Variants in OR52E4 observed in about 807,000 individuals in gnomAD.
OR52E4 encodes olfactory receptor 52E4.
For missense variants in OR52E4, 444 were observed against 383.8 expected, an observed-to-expected ratio of 1.16 and a Z score of -1.31; for synonymous variants, 169 against 137.4, an observed-to-expected ratio of 1.23 and a Z score of -1.61.
chr11:5,885,366 T>C lies in OR52E4; in HGVS notation c.*135T>C. On this transcript the variant is annotated 3_prime_UTR_variant, in exon 2 of 2. Transcript: ENST00000641726. ...CTTTTGACTGGAAGTGCTTTAGTGT[T>C]GACAGATAATGCAAACTTAAAACCT... The C allele has an allele frequency of 1.6e-6, 1 of 624,270 alleles. No homozygotes were observed. The highest frequency in any genetic ancestry group is 2.3e-5 in the South Asian group (1 of 44,298). The allele number at this position is 624,270 out of a possible 1,614,324, so 38.7% of individuals were successfully genotyped here. A position where few individuals can be genotyped will look rare whatever the true frequency, so the allele number is the denominator to read the frequency against.
Position 5,882,215 on chromosome 11 carries a change from T to C in OR52E4, c.-75+1501T>C, listed in dbSNP as rs77060907. Among the ~76,000 whole-genome samples the C allele has an allele frequency of 7.1e-3, 1,076 of 152,176 alleles. 8 individuals carry two copies. The highest frequency in any genetic ancestry group is 0.024 in the African/African-American group (1,010 of 41,536). On this transcript the variant is annotated intron_variant, in intron 1 of 1. Transcript: ENST00000641726. Reference sequence around the variant, plus strand: ...GTTATAACAGAAAGAAGGCAAGAATTCAGGTAAAACTGTGAGAGGGTGGAT... The same window carrying C: ...GTTATAACAGAAAGAAGGCAAGAATCCAGGTAAAACTGTGAGAGGGTGGAT...
At position 5,884,552 on chromosome 11, in the gene OR52E4, T is replaced by G; in HGVS notation, c.260T>G (p.Phe87Cys). 1.2e-6 allele frequency: 2 copies of G among 1,613,526 alleles called. No homozygotes were observed. The highest frequency in any genetic ancestry group is 1.7e-6 in the Non-Finnish European group (2 of 1,179,688). The part of the protein sequence containing the change: ...TSTIPKMLGI[F>C]WFNLQEISFG... The stretch of plus-strand genomic sequence containing the variant: ...ACTATCCCCAAAATGCTAGGAATCT[T>G]CTGGTTCAACCTCCAAGAGATCAGC... Residue 87 changes from phenylalanine (F) to cysteine (C), a missense_variant, in exon 2 of 2, where the codon TTC (phenylalanine) becomes TGC (cysteine). Phe to Cys is a radical substitution (Grantham distance 205). Transcript: ENST00000641726.
chr11:5,884,328 C>T lies in OR52E4; in HGVS notation c.36C>T (p.Pro12=), dbSNP rs141381613. 3 of 1,612,238 alleles carry T rather than the reference C, an allele frequency of 1.9e-6. No homozygotes were observed. The highest frequency in any genetic ancestry group is 2.7e-5 in the African/African-American group (2 of 74,850). The stretch of plus-strand genomic sequence containing the variant: ...TCAATGACACCCACTTCTATCCCCC[C>T]TTCTTCCTCCTGCTAGGAATACCAG... ...PSINDTHFYP[P]FFLLLGIPGL... is the part of the protein sequence containing the mutation. Residue 12 remains proline, a synonymous_variant, in exon 2 of 2, where the codon CCC becomes CCT. Transcript: ENST00000641726.
In OR52E4 at chr11:5,884,446, A is replaced by G. The variant is rs761871260; in HGVS notation, c.154A>G (p.Lys52Glu). ...VGNMTILFVI[K>E]TEHSLHQPMF... ...GAATATGACCATTCTCTTTGTGATC[A>G]AAACTGAACATAGTCTACACCAGCC... is the stretch of plus-strand genomic sequence containing the variant. The change falls in exon 2 of 2, where the codon AAA becomes GAA. Residue 52 changes from lysine to glutamate, a missense_variant. By Grantham distance (56) the Lys-to-Glu change is moderately conservative. Transcript: ENST00000641726. The G allele has an allele frequency of 5.0e-6, 8 of 1,613,392 alleles. No individual in the cohort carries two copies. Among genetic ancestry groups the G allele is most frequent in the Non-Finnish European group, 6.8e-6 (8 of 1,179,660 alleles).
intron 1 of OR52E4, among the ~76,000 whole-genome samples, chr11:5,882,748 C>T (rs535893403): frequency 1.3e-5 from 2 of 152,056 alleles, no homozygotes; most frequent in East Asian, 3.9e-4. Context: ...CACACACACT[C>T]ACACACAAAC....
rs772975934 is a variant in OR52E4, at chr11:5,885,107, A to G, written c.815A>G (p.Tyr272Cys). Residue 272 changes from tyrosine to cysteine, a missense_variant, in exon 2 of 2, where the codon TAT becomes TGT. Coordinates refer to ENST00000641726, the MANE Select transcript of OR52E4 (RefSeq NM_001005165.2). ...CGTTTTGGCCAAAACATTCCCCACT[A>G]TATCCATATTCTTTTGGCTAACCTG... Reference protein sequence around the residue: ...THRFGQNIPHYIHILLANLYV... With the variant: ...THRFGQNIPHCIHILLANLYV... The G allele has an allele frequency of 3.7e-6, 6 of 1,613,250 alleles. No homozygotes were observed. The highest frequency in any genetic ancestry group is 3.3e-5 in the Admixed American group (2 of 59,844).
At chr11:5,884,187 G>T (rs911822696) in intron 1 of OR52E4, 32 bp from the exon 2 acceptor site, 6 of 781,898 alleles carry the variant, frequency 7.7e-6, no homozygotes, top group Non-Finnish European at 1.1e-5. Flanking sequence ...ATTACCTCTA[G>T]CACACTGATA....
rs1171215181 is a variant in OR52E4 at position 5,885,152 on chromosome 11, C to T, written c.860C>T (p.Ala287Val). Residue 287 changes from alanine to valine, a missense_variant, in exon 2 of 2, where the codon GCC (alanine) becomes GTC (valine). Transcript: ENST00000641726. ...AACCTGTATGTGGTTGTCCCACCTG[C>T]CCTTAACCCTGTCATTTATGGAGTC... is the stretch of plus-strand genomic sequence containing the variant. Reference protein sequence around the residue: ...LANLYVVVPPALNPVIYGVRT... With the variant: ...LANLYVVVPPVLNPVIYGVRT... The T allele has an allele frequency of 2.5e-6, 4 of 1,613,176 alleles. No homozygotes were observed. Among genetic ancestry groups the T allele is most frequent in the South Asian group, 2.2e-5 (2 of 91,056 alleles).
rs758922083 is a variant in OR52E4, at chr11:5,885,236, G to A, written c.*5G>A. On this transcript the variant is annotated 3_prime_UTR_variant, in exon 2 of 2. Coordinates refer to ENST00000641726, the MANE Select transcript of OR52E4 (RefSeq NM_001005165.2). Reference sequence around the variant, plus strand: ...ATATTTGTACAGAAAGAATAATTCTGTATTAAAGTTTGGATAAATATATCT... The same window carrying A: ...ATATTTGTACAGAAAGAATAATTCTATATTAAAGTTTGGATAAATATATCT... 1.9e-5 allele frequency: 30 copies of A among 1,554,530 alleles called. No individual in the cohort carries two copies. The Admixed American group carries it at 2.1e-4, about 11-fold the overall frequency.
Position 5,885,148 on chromosome 11 carries a change from C to A in OR52E4, c.856C>A (p.Pro286Thr). The A allele has an allele frequency of 6.2e-7, 1 of 1,613,400 alleles. No individual in the cohort carries two copies. Residue 286 changes from proline (P) to threonine (T), a missense_variant, in exon 2 of 2, where the codon CCT becomes ACT. By Grantham distance (38) the Pro-to-Thr change is conservative. Coordinates refer to ENST00000641726, the MANE Select transcript of OR52E4 (RefSeq NM_001005165.2). The stretch of plus-strand genomic sequence containing the variant: ...GGCTAACCTGTATGTGGTTGTCCCA[C>A]CTGCCCTTAACCCTGTCATTTATGG... ...LLANLYVVVP[P>T]ALNPVIYGVR...
chr11:5,884,648 T>A lies in OR52E4; in HGVS notation c.356T>A (p.Val119Asp). ...FTGMETVLLV[V>D]MAYDRFVAIC... ...GGCATGGAGACTGTTCTGTTGGTGG[T>A]CATGGCTTATGACCGCTTTGTTGCC... Residue 119 changes from valine to aspartate, a missense_variant, in exon 2 of 2, where the codon GTC becomes GAC. Coordinates refer to ENST00000641726, the MANE Select transcript of OR52E4 (RefSeq NM_001005165.2). 6.2e-7 allele frequency: 1 copy of A among 1,613,564 alleles called. No homozygotes were observed. Among genetic ancestry groups the A allele is most frequent in the East Asian group, 2.2e-5 (1 of 44,852 alleles).
chr11:5,884,502 G>T lies in OR52E4; in HGVS notation c.210G>T (p.Met70Ile), dbSNP rs374490457. 2 of 1,613,358 alleles carry T rather than the reference G, an allele frequency of 1.2e-6. No individual in the cohort carries two copies. The highest frequency in any genetic ancestry group is 1.3e-5 in the African/African-American group (1 of 74,838). Reference protein sequence around the residue: ...PMFYFLAMLSMIDLGLSTSTI... With the variant: ...PMFYFLAMLSIIDLGLSTSTI... ...TCTACTTCCTGGCCATGTTGTCTAT[G>T]ATTGATCTGGGTCTGTCCACATCCA... The change falls in exon 2 of 2, where the codon ATG becomes ATT. Residue 70 changes from methionine (M) to isoleucine (I), a missense_variant. Physicochemically the swap from Met to Ile is conservative, Grantham distance 10. Transcript: ENST00000641726.
Position 5,884,688 on chromosome 11 carries a change from C to G in OR52E4, c.396C>G (p.Leu132=), listed in dbSNP as rs1431916320. The change falls in exon 2 of 2, where the codon CTC becomes CTG. Residue 132 remains leucine (L), a synonymous_variant. Transcript: ENST00000641726. ...GCTTTGTTGCCATCTGCAACCCTCT[C>G]CAGTACACCATGATCCTCACCAATA... ...YDRFVAICNP[L]QYTMILTNKT... The G allele has an allele frequency of 1.2e-6, 2 of 1,613,592 alleles. No individual in the cohort carries two copies. The highest frequency in any genetic ancestry group is 1.7e-5 in the Admixed American group (1 of 59,882).
intron 1 of OR52E4, among the ~76,000 whole-genome samples, chr11:5,881,793 G>A (rs1456954009): frequency 1.3e-5 from 2 of 151,800 alleles, no homozygotes; most frequent in Non-Finnish European, 2.9e-5. Flanking sequence ...AACCACATTA[G>A]TTATAATTTA....
chr11:5,884,573 T>A lies in OR52E4; in HGVS notation c.281T>A (p.Ile94Asn), dbSNP rs1385377980. ...LGIFWFNLQE[I>N]SFGGCLLQMF... is the part of the protein sequence containing the mutation. ...ATCTTCTGGTTCAACCTCCAAGAGA[T>A]CAGCTTTGGGGGATGCCTTCTTCAG... is the stretch of plus-strand genomic sequence containing the variant. The change falls in exon 2 of 2, where the codon ATC becomes AAC. Residue 94 changes from isoleucine to asparagine, a missense_variant. Physicochemically the swap from Ile to Asn is moderately radical, Grantham distance 149. Transcript: ENST00000641726. The A allele has an allele frequency of 6.2e-7, 1 of 1,613,394 alleles. No individual in the cohort carries two copies. The highest frequency in any genetic ancestry group is 8.5e-7 in the Non-Finnish European group (1 of 1,179,710).
At chr11:5,881,194 A>G (rs570059433) in intron 1 of OR52E4, among the ~76,000 whole-genome samples, 27 of 152,258 alleles carry the variant, frequency 1.8e-4, no homozygotes, top group Non-Finnish European at 3.1e-4. Flanking sequence ...GTAAAGTTTT[A>G]TTCTCTGTTT....
At chr11:5,882,513 G>A (rs1390131979) in intron 1 of OR52E4, among the ~76,000 whole-genome samples, 4 of 151,824 alleles carry the variant, frequency 2.6e-5, no homozygotes, top group Admixed American at 6.6e-5. Context: ...TTTTCTCTCA[G>A]CTTCTCGGGG....
intron 1 of OR52E4, 130 bp from the exon 2 acceptor site, chr11:5,884,089 C>A (rs182251405): frequency 2.4e-4 from 127 of 524,232 alleles, no homozygotes; most frequent in Non-Finnish European, 3.8e-4. Context: ...TGATGGATCT[C>A]AGAACAATAA....
chr11:5,884,881 A>G lies in OR52E4; in HGVS notation c.589A>G (p.Asn197Asp). Residue 197 changes from asparagine (N) to aspartate (D), a missense_variant, in exon 2 of 2, where the codon AAC becomes GAC. Physicochemically the swap from Asn to Asp is conservative, Grantham distance 23. Transcript: ENST00000641726. ...AGLACAPIKINIIYGLMVISY... is the reference protein window; with the variant it reads ...AGLACAPIKIDIIYGLMVISY... ...GTTGGCCTGTGCACCCATTAAGATC[A>G]ACATAATCTATGGGCTCATGGTGAT... 1 of 1,613,234 alleles carries G rather than the reference A, an allele frequency of 6.2e-7. No homozygotes were observed. The highest frequency in any genetic ancestry group is 8.5e-7 in the Non-Finnish European group (1 of 1,179,444).
Sources: gnomAD v4.1 joint callset for allele counts (sites outside exome capture counted in the v4.1 genomes callset) on GRCh38, gnomAD v4.1.1 for gene constraint, MANE v1.5 for transcripts, NCBI Gene and HGNC (gene_info 2026-07-23, HGNC 2026-07-21) for gene names.